Variants in TRAIP observed in about 807,000 individuals in gnomAD.
The protein encoded by TRAIP is TRAF interacting protein.
A neutral mutation model predicts 65.0 loss-of-function variants in TRAIP; 37 were observed. The ratio of observed to expected loss-of-function variants is 0.57; its 90% CI spans 0.44 to 0.75. The LOEUF (loss-of-function observed/expected upper bound fraction) is 0.75. TRAIP is among the 30% of genes least tolerant of loss of function. The pLI is 0.00. For synonymous variants in TRAIP, 187 were observed against 219.1 expected (o/e 0.85, Z 1.29); for missense variants, 481 against 579.4 (o/e 0.83, Z 1.74).
chr3:49,839,204 A>C (rs1002820357), intron 10 of TRAIP, among the ~76,000 whole-genome samples: 82 of 151,910 alleles, frequency 5.4e-4, no homozygotes, highest in Non-Finnish European at 1.1e-3. Context: ...AAAAAGGAAA[A>C]AAAAAAAAAA....
At chr3:49,829,823 G>A in intron 12 of TRAIP, 57 bp from the exon 13 acceptor site, 1 of 1,606,342 alleles carries the variant, frequency 6.2e-7, no homozygotes, top group Non-Finnish European at 8.5e-7. Context: ...AAAGGAGGGA[G>A]GGTAGTGGTG....
Position 49,842,500 on chromosome 3 carries a change from T to C in TRAIP, c.456A>G (p.Ala152=), listed in dbSNP as rs2108316457. Residue 152 remains alanine (A), a synonymous_variant, in exon 6 of 15, where the codon GCA becomes GCG. Coordinates refer to ENST00000331456, the MANE Select transcript of TRAIP (RefSeq NM_005879.3). The stretch of plus-strand genomic sequence containing the variant: ...TCCTGAGCCGGCGGGCCTCCTCTTG[T>C]GCTTGTTTGGTCTCATCCTGCTGCT... ...LEQQQDETKQ[A]QEEARRLRSK... 2 of 1,614,054 alleles carry C rather than the reference T, an allele frequency of 1.2e-6. No homozygotes were observed. Among genetic ancestry groups the C allele is most frequent in the African/African-American group, 1.3e-5 (1 of 75,034 alleles).
At chr3:49,845,323 G>C (rs2081872447) in intron 3 of TRAIP, among the ~76,000 whole-genome samples, 1 of 152,210 alleles carries the variant, frequency 6.6e-6, no homozygotes, top group Non-Finnish European at 1.5e-5. Flanking sequence ...AGAGGTGCCT[G>C]CTCCATAACA....
In TRAIP at chr3:49,832,011, A is replaced by G. The variant is rs763531194; in HGVS notation, c.942T>C (p.Ile314=). 3 of 1,607,574 alleles carry G rather than the reference A, an allele frequency of 1.9e-6. No individual in the cohort carries two copies. The highest frequency in any genetic ancestry group is 2.2e-5 in the South Asian group (2 of 89,982). ...KLRRPSFRDD[I]DLNATFDVDT... ...CCACATCAAAGGTAGCATTGAGATC[A>G]ATATCATCACGGAAGGATGGCCGGC... The change falls in exon 11 of 15, where the codon ATT becomes ATC. Residue 314 remains isoleucine, a synonymous_variant. Coordinates refer to ENST00000331456, the MANE Select transcript of TRAIP (RefSeq NM_005879.3).
Position 49,829,764 on chromosome 3 carries a change from C to A in TRAIP, c.1089G>T (p.Glu363Asp), listed in dbSNP as rs2081716116. ...PKKICKGPRK[E>D]SQLSLGGQSC... Reference sequence around the variant, plus strand: ...TCTGGCCACCCAGTGAGAGCTGGGACTCCTGCAGGGAAGACCCCAGGGCCA... The same window carrying A: ...TCTGGCCACCCAGTGAGAGCTGGGAATCCTGCAGGGAAGACCCCAGGGCCA... The change falls in exon 13 of 15, where the codon GAG (glutamate) becomes GAT (aspartate). Residue 363 changes from glutamate (E) to aspartate (D), a missense_variant and splice_region_variant. Coordinates refer to ENST00000331456, the MANE Select transcript of TRAIP (RefSeq NM_005879.3). The A allele has an allele frequency of 6.2e-7, 1 of 1,614,070 alleles. No individual in the cohort carries two copies. The highest frequency in any genetic ancestry group is 8.5e-7 in the Non-Finnish European group (1 of 1,179,980).
Position 49,828,985 on chromosome 3 carries a change from G to T in TRAIP, c.*118C>A. ...CACACTCACCCTCACCTGTTTGTCT[G>T]CCCTTACACCTCAGGCTGGTCCCGA... On this transcript the variant is annotated 3_prime_UTR_variant, in exon 15 of 15. Coordinates refer to ENST00000331456, the MANE Select transcript of TRAIP (RefSeq NM_005879.3). 2 of 1,415,208 alleles carry T rather than the reference G, an allele frequency of 1.4e-6. No homozygotes were observed. The highest frequency in any genetic ancestry group is 1.2e-5 in the South Asian group (1 of 80,924). 87.7% of individuals were successfully genotyped at this position (1,415,208 alleles called of 1,614,324 possible).
At chr3:49,831,261 A>G (rs984845716) in intron 11 of TRAIP, among the ~76,000 whole-genome samples, 1 of 152,192 alleles carries the variant, frequency 6.6e-6, no homozygotes, top group Admixed American at 6.5e-5. Flanking sequence ...CTCTCTGTAC[A>G]AAGTCTTTGA....
At position 49,829,073 on chromosome 3, in the gene TRAIP, G is replaced by A. The variant is rs776773936; in HGVS notation, c.*30C>T. ...TCCTTGACCTACAAGTTGCAGGCAT[G>A]TGTCTGGCCATTGGTCAGACTCACT... is the stretch of plus-strand genomic sequence containing the variant. On this transcript the variant is annotated 3_prime_UTR_variant, in exon 15 of 15. Transcript: ENST00000331456. 5 of 1,614,142 alleles carry A rather than the reference G, an allele frequency of 3.1e-6. No individual in the cohort carries two copies. In the Admixed American group the frequency reaches 6.7e-5, roughly 22 times the overall value.
At chr3:49,854,644 G>A (rs182309284) in intron 1 of TRAIP, among the ~76,000 whole-genome samples, 137 of 152,214 alleles carry the variant, frequency 9.0e-4, no homozygotes, top group African/African-American at 3.3e-3. Context: ...AAACAGAATC[G>A]ACTAAAGACA....
intron 9 of TRAIP, 48 bp from the exon 10 acceptor site, chr3:49,839,908 G>T: frequency 6.3e-7 from 1 of 1,575,226 alleles, no homozygotes; most frequent in Non-Finnish European, 8.7e-7. Flanking sequence ...GAGGCATCAA[G>T]TCCGGAGATA....
chr3:49,841,100 C>T (rs933231932), intron 7 of TRAIP, 28 bp from the exon 8 acceptor site: 6 of 1,592,458 alleles, frequency 3.8e-6, no homozygotes, highest in African/African-American at 1.3e-5. Context: ...AAAGAGATGC[C>T]AGAAAAGAAC....
chr3:49,836,952 C>CTTTTTTTTTT (rs397875517), intron 10 of TRAIP, among the ~76,000 whole-genome samples: 1 of 83,228 alleles, frequency 1.2e-5, no homozygotes, highest in Non-Finnish European at 2.3e-5. Flanking sequence ...CTTGACATGA[C>CTTTTTTTTTT]TTTTTTTTTT....
Position 49,832,007 on chromosome 3 carries a change from G to C in TRAIP, c.946C>G (p.Leu316Val), listed in dbSNP as rs548542029. 28 of 1,607,744 alleles carry C rather than the reference G, an allele frequency of 1.7e-5. No homozygotes were observed. Among genetic ancestry groups the C allele is most frequent in the Non-Finnish European group, 2.4e-5 (28 of 1,177,066 alleles). Residue 316 changes from leucine to valine, a missense_variant, in exon 11 of 15, where the codon CTC becomes GTC. Physicochemically the swap from Leu to Val is conservative, Grantham distance 32. Transcript: ENST00000331456. ...RRPSFRDDID[L>V]NATFDVDTPP... ...GTATCCACATCAAAGGTAGCATTGA[G>C]ATCAATATCATCACGGAAGGATGGC...
intron 1 of TRAIP, among the ~76,000 whole-genome samples, chr3:49,855,442 C>A (rs1243087592): frequency 3.3e-5 from 5 of 151,942 alleles, no homozygotes; most frequent in Admixed American, 6.6e-5. Flanking sequence ...GAGCGAGACT[C>A]CATCTCAAAA....
chr3:49,839,648 C>T (rs1559447849), intron 10 of TRAIP, 124 bp downstream of exon 10: 8 of 881,070 alleles, frequency 9.1e-6, no homozygotes, highest in Non-Finnish European at 1.5e-5. Flanking sequence ...GCTCCCAGGG[C>T]AGGCTGTCTG....
At chr3:49,848,328 G>C (rs557577971) in intron 1 of TRAIP, 128 bp from the exon 2 acceptor site, 1 of 969,560 alleles carries the variant, frequency 1.0e-6, no homozygotes. Flanking sequence ...CCAAATAAGA[G>C]GACAGTAGCA....
chr3:49,851,696 A>T (rs972771212), intron 1 of TRAIP, among the ~76,000 whole-genome samples: 1 of 135,636 alleles, frequency 7.4e-6, no homozygotes, highest in African/African-American at 2.9e-5. Flanking sequence ...TAGCCAAAAA[A>T]ACACTTTTTT....
rs2081828037 is a variant in TRAIP, at chr3:49,840,336, A to T, written c.743T>A (p.Leu248Ter). 3.1e-6 allele frequency: 5 copies of T among 1,614,192 alleles called. No individual in the cohort carries two copies. Among genetic ancestry groups the T allele is most frequent in the Non-Finnish European group, 4.2e-6 (5 of 1,179,998 alleles). The change falls in exon 9 of 15, where the codon TTA (leucine) becomes TAA (stop). Residue 248 changes from leucine to a stop codon, truncating the protein, a stop_gained. Transcript: ENST00000331456. LOFTEE classifies it high-confidence loss of function. ...GTCCTTCTGGGCTGACTTCAGTTCT[A>T]ACTTGGCCTGATCCAATTCAGAGTA... The part of the protein sequence containing the change: ...TVYSELDQAK[L>*]ELKSAQKDLQ...
At chr3:49,831,324 A>G (rs1022994207) in intron 11 of TRAIP, among the ~76,000 whole-genome samples, 2 of 152,252 alleles carry the variant, frequency 1.3e-5, no homozygotes, top group African/African-American at 4.8e-5. Context: ...CAGTACCTGT[A>G]TGAATGAGTA....
Sources: allele counts gnomAD v4.1 joint callset (sites outside exome capture counted in the v4.1 genomes callset), GRCh38; gene constraint gnomAD v4.1.1; transcripts MANE v1.5; gene names NCBI Gene and HGNC (gene_info 2026-07-23, HGNC 2026-07-21).